The following MPHOSPH10 variants were observed in gnomAD, a reference collection of about 807,000 sequenced individuals.
MPHOSPH10 encodes the protein M-phase phosphoprotein 10, also known as U3 small nucleolar ribonucleoprotein MPP10.
In MPHOSPH10, 33 loss-of-function variants were observed where a neutral mutation model predicts 77.3. That is an observed-to-expected ratio of 0.43 (90% CI 0.32 to 0.57). MPHOSPH10 has a LOEUF of 0.57. Among genes scored for constraint, MPHOSPH10 ranks in the 20% least tolerant of loss-of-function variants. MPHOSPH10 has a pLI of 0.07. For missense variants in MPHOSPH10, 708 were observed against 780.1 expected (o/e 0.91, Z 1.10); for synonymous variants, 245 against 268.0 (o/e 0.91, Z 0.84).
At chr2:71,131,556 A>C (rs1191960859) in intron 1 of MPHOSPH10, among the ~76,000 whole-genome samples, 2 of 152,206 alleles carry the variant, frequency 1.3e-5, no homozygotes, top group African/African-American at 4.8e-5. Context: ...GTGAGCCACA[A>C]GGCTGTTTAT....
Position 71,133,253 on chromosome 2 carries a change from G to T in MPHOSPH10, c.445G>T (p.Gly149Cys). The T allele has an allele frequency of 6.2e-7, 1 of 1,614,090 alleles. No homozygotes were observed. The highest frequency in any genetic ancestry group is 2.2e-5 in the East Asian group (1 of 44,868). The change falls in exon 2 of 11, where the codon GGT becomes TGT. Residue 149 changes from glycine to cysteine, a missense_variant. Around this residue, in one of 3 missense-constraint regions of MPHOSPH10, gnomAD observed 433 missense variants for 432.6 expected, o/e 1.00. Transcript: ENST00000244230. ...CATGGGTAATGATGATCCTGAAATG[G>T]GTGAGAGAGCTGAAAACTCAAGCAA... ...SDMGNDDPEM[G>C]ERAENSSKSD...
intron 10 of MPHOSPH10, among the ~76,000 whole-genome samples, 155 bp downstream of exon 10, chr2:71,149,608 C>G (rs57151979): frequency 0.022 from 3,371 of 152,266 alleles, 129 homozygotes; most frequent in African/African-American, 0.077. Flanking sequence ...CTTTAATGTT[C>G]TAGAATTTTT....
chr2:71,135,058 C>G (rs1673458712), intron 4 of MPHOSPH10, among the ~76,000 whole-genome samples: 1 of 152,142 alleles, frequency 6.6e-6, no homozygotes, highest in African/African-American at 2.4e-5. Flanking sequence ...TCCAGCTACT[C>G]TGGTGTCTGA....
intron 1 of MPHOSPH10, among the ~76,000 whole-genome samples, chr2:71,131,348 T>C (rs995233070): frequency 6.6e-6 from 1 of 152,220 alleles, no homozygotes; most frequent in African/African-American, 2.4e-5. Context: ...ATATCCACAC[T>C]GTACAACTTT....
intron 5 of MPHOSPH10, chr2:71,139,025 A>T: frequency 2.2e-6 from 1 of 448,526 alleles, no homozygotes; most frequent in Non-Finnish European, 4.0e-6. Context: ...CCTGGGCAAC[A>T]GAGCGACACT....
chr2:71,148,591 G>C (rs1213127660), intron 9 of MPHOSPH10: 1 of 160,060 alleles, frequency 6.2e-6, no homozygotes, highest in South Asian at 1.8e-4. Flanking sequence ...GCCTTACACA[G>C]TAATAATGGT....
At chr2:71,137,567 G>A (rs1029210668) in intron 4 of MPHOSPH10, among the ~76,000 whole-genome samples, 2 of 150,238 alleles carry the variant, frequency 1.3e-5, no homozygotes, top group Non-Finnish European at 2.9e-5. Flanking sequence ...TCCAAGGTAA[G>A]AGGATTGCTT....
rs192291521 is a variant in MPHOSPH10, at chr2:71,136,803, T to C, written c.1099-1687T>C. Among the ~76,000 whole-genome samples the C allele has an allele frequency of 2.9e-4, 44 of 152,020 alleles. No individual in the cohort carries two copies. The East Asian group carries it at 7.9e-3, about 27-fold the overall frequency. The stretch of plus-strand genomic sequence containing the variant: ...TTAAGTTTCAATAAATCAAAAATAA[T>C]TTATTTCAATTTCCACATATAAAGA... On this transcript the variant is annotated intron_variant, in intron 4 of 10. Transcript: ENST00000244230.
Position 71,138,473 on chromosome 2 carries a change from T to C in MPHOSPH10, c.1099-17T>C. ...TTATTTTCTAAATGTATACTAGTTA[T>C]TTTATCTCTTTCTTAGATGAATGAA... is the stretch of plus-strand genomic sequence containing the variant. On this transcript the variant is annotated splice_polypyrimidine_tract_variant and intron_variant, in intron 4 of 10. Coordinates refer to ENST00000244230, the MANE Select transcript of MPHOSPH10 (RefSeq NM_005791.3). 6.5e-7 allele frequency: 1 copy of C among 1,529,702 alleles called. No individual in the cohort carries two copies. The highest frequency in any genetic ancestry group is 8.8e-7 in the Non-Finnish European group (1 of 1,132,786). 94.8% of individuals were successfully genotyped at this position (1,529,702 alleles called of 1,614,324 possible). A position where few individuals can be genotyped will look rare whatever the true frequency, so the allele number is the denominator to read the frequency against.
Position 71,149,364 on chromosome 2 carries a change from AG to A in MPHOSPH10, c.1808del (p.Ser603MetfsTer2), listed in dbSNP as rs1490709639. The A allele has an allele frequency of 6.2e-7, 1 of 1,614,100 alleles. No homozygotes were observed. The highest frequency in any genetic ancestry group is 8.5e-7 in the Non-Finnish European group (1 of 1,180,034). Reference sequence around the variant, plus strand: ...GCGGAGAAAACTGCTTGAAAAGAGCAGTGTAGATCAAGCAGGGAAATACAGC... The same window carrying A: ...GCGGAGAAAACTGCTTGAAAAGAGCATGTAGATCAAGCAGGGAAATACAGC... Reference protein sequence around the residue: ...EKRRKLLEKSSVDQAGKYSKT... With the variant: ...EKRRKLLEKSXVDQAGKYSKT... On this transcript the variant is annotated frameshift_variant, in exon 10 of 11. Transcript: ENST00000244230. LOFTEE classifies it high-confidence loss of function.
chr2:71,140,570 A>G (rs1673592426), intron 6 of MPHOSPH10, among the ~76,000 whole-genome samples: 1 of 152,208 alleles, frequency 6.6e-6, no homozygotes, highest in Non-Finnish European at 1.5e-5. Flanking sequence ...TGAGTTTTGG[A>G]GGGGACATTC....
In MPHOSPH10 at chr2:71,144,492, T is replaced by G. The variant is rs184076603; in HGVS notation, c.1511T>G (p.Phe504Cys). The G allele has an allele frequency of 5.6e-6, 9 of 1,614,198 alleles. No homozygotes were observed. Among genetic ancestry groups the G allele is most frequent in the Non-Finnish European group, 7.6e-6 (9 of 1,180,036 alleles). ...ATTCAGAAGATGATGGATTCCCTCT[T>G]CTTAAAATTGGATGCCCTCTCAAAC... ...VEIQKMMDSLFLKLDALSNFH... is the reference protein window; with the variant it reads ...VEIQKMMDSLCLKLDALSNFH... The change falls in exon 8 of 11, where the codon TTC becomes TGC. Residue 504 changes from phenylalanine (F) to cysteine (C), a missense_variant. By Grantham distance (205) the Phe-to-Cys change is radical. Around this residue, in one of 3 missense-constraint regions of MPHOSPH10, gnomAD observed 263 missense variants for 320.0 expected, o/e 0.82. Transcript: ENST00000244230.
At chr2:71,142,928 A>G (rs1235120338) in intron 7 of MPHOSPH10, among the ~76,000 whole-genome samples, 1 of 152,166 alleles carries the variant, frequency 6.6e-6, no homozygotes, top group Non-Finnish European at 1.5e-5. Context: ...AGGCATTTAG[A>G]ATAAGCATTT....
chr2:71,142,853 G>T (rs1481324770), intron 7 of MPHOSPH10, among the ~76,000 whole-genome samples: 6 of 152,158 alleles, frequency 3.9e-5, no homozygotes, highest in Non-Finnish European at 2.9e-5. Flanking sequence ...AGAGCCTATC[G>T]TTTCCTAGTT....
At chr2:71,144,806 A>G (rs1673677040) in intron 8 of MPHOSPH10, among the ~76,000 whole-genome samples, 1 of 151,660 alleles carries the variant, frequency 6.6e-6, no homozygotes, top group South Asian at 2.1e-4. Flanking sequence ...CTTACCTCAC[A>G]CTTTAAAAGA....
chr2:71,131,282 C>G (rs912814277), intron 1 of MPHOSPH10, among the ~76,000 whole-genome samples: 2 of 152,190 alleles, frequency 1.3e-5, no homozygotes, highest in Admixed American at 6.5e-5. Flanking sequence ...CCTGAGTTCC[C>G]AGCTCACAGC....
chr2:71,141,333 T>C lies in MPHOSPH10; in HGVS notation c.1410T>C (p.Ala470=). ...ATGAGAAGAGTAAATTGAGCCTTGC[T>C]GAAATTTATGAACAGGAGTACATCA... ...LDHEKSKLSL[A]EIYEQEYIKL... is the part of the protein sequence containing the mutation. Residue 470 remains alanine, a synonymous_variant, in exon 7 of 11, where the codon GCT becomes GCC. Coordinates refer to ENST00000244230, the MANE Select transcript of MPHOSPH10 (RefSeq NM_005791.3). The C allele has an allele frequency of 1.3e-6, 2 of 1,566,018 alleles. No homozygotes were observed. The highest frequency in any genetic ancestry group is 8.6e-7 in the Non-Finnish European group (1 of 1,157,452).
rs774065074 is a variant in MPHOSPH10, at chr2:71,133,105, T to C, written c.297T>C (p.Ile99=). 4.3e-6 allele frequency: 7 copies of C among 1,614,146 alleles called. No homozygotes were observed. The South Asian group carries it at 7.7e-5, about 18-fold the overall frequency. ...QYFQNAVSET[I]NDEDISLLPE... ...TTCAGAATGCAGTTAGTGAAACAAT[T>C]AATGATGAAGATATCAGTCTTCTCC... is the stretch of plus-strand genomic sequence containing the variant. The change falls in exon 2 of 11, where the codon ATT becomes ATC. Residue 99 remains isoleucine (I), a synonymous_variant. Transcript: ENST00000244230.
At chr2:71,145,472 A>C (rs1321249699) in intron 8 of MPHOSPH10, among the ~76,000 whole-genome samples, 2 of 150,526 alleles carry the variant, frequency 1.3e-5, no homozygotes, top group African/African-American at 4.9e-5. Flanking sequence ...TCAGACAGTA[A>C]GCTTTTTTAA....
Sources: allele counts gnomAD v4.1 joint callset (sites outside exome capture counted in the v4.1 genomes callset), GRCh38; gene constraint gnomAD v4.1.1; regional missense constraint gnomAD v4.1.1; transcripts MANE v1.5; gene names NCBI Gene and HGNC (gene_info 2026-07-23, HGNC 2026-07-21).